The following MYT1L variants were observed in gnomAD, a reference collection of about 807,000 sequenced individuals.
MYT1L encodes myelin transcription factor 1 like.
In MYT1L, 12 loss-of-function variants were observed where a neutral mutation model predicts 126.7. That is an observed-to-expected ratio of 0.09 (90% CI 0.06 to 0.15). MYT1L has a LOEUF of 0.15. Ranked by LOEUF, MYT1L falls within the 10% of genes least tolerant of loss-of-function variation. The pLI is 1.00. For missense variants in MYT1L, 979 were observed against 1,585.2 expected (o/e 0.62, Z 6.49); for synonymous variants, 541 against 604.2 (o/e 0.90, Z 1.53).
intron 21 of MYT1L, among the ~76,000 whole-genome samples, chr2:1,830,081 A>T (rs35131138): frequency 0.44 from 67,454 of 152,114 alleles, 16,869 homozygotes; most frequent in African/African-American, 0.68. Context: ...TGACAGATGT[A>T]GCAGCTACTT....
At chr2:1,880,407 G>A (rs574454327) in intron 18 of MYT1L, among the ~76,000 whole-genome samples, 2 of 152,064 alleles carry the variant, frequency 1.3e-5, no homozygotes, top group Admixed American at 1.3e-4. Context: ...GCGCGATCTC[G>A]GCTCACTGCG....
chr2:1,925,083 G>A (rs937136256), intron 9 of MYT1L, among the ~76,000 whole-genome samples: 1 of 152,178 alleles, frequency 6.6e-6, no homozygotes, highest in Non-Finnish European at 1.5e-5. Flanking sequence ...ACCCAACCAC[G>A]AGATGAATGA....
intron 3 of MYT1L, among the ~76,000 whole-genome samples, chr2:2,111,783 C>G (rs985894851): frequency 6.6e-6 from 1 of 152,216 alleles, no homozygotes; most frequent in African/African-American, 2.4e-5. Context: ...AGGACGAAGA[C>G]AAGAGTGAGT....
intron 8 of MYT1L, among the ~76,000 whole-genome samples, chr2:1,944,101 CT>C (rs200379283): frequency 6.6e-6 from 1 of 151,926 alleles, no homozygotes; most frequent in Non-Finnish European, 1.5e-5. Flanking sequence ...CAACGATTTT[CT>C]TTTTTTTATT....
intron 4 of MYT1L, among the ~76,000 whole-genome samples, chr2:2,003,987 A>ATGCGTTCTTTCCTGC (rs1310391434): frequency 2.7e-5 from 4 of 150,246 alleles, no homozygotes; most frequent in African/African-American, 7.4e-5. Flanking sequence ...TCTTTCCTGC[A>ATGCGTTCTTTCCTGC]AGCGTTCTTT....
intron 2 of MYT1L, among the ~76,000 whole-genome samples, chr2:2,268,585 A>G (rs1301112410): frequency 1.3e-5 from 2 of 152,332 alleles, no homozygotes; most frequent in East Asian, 3.9e-4. Flanking sequence ...TGGCCTGAGT[A>G]ATAAACTCAC....
chr2:2,208,000 A>T (rs1268068487), intron 2 of MYT1L, among the ~76,000 whole-genome samples: 1 of 152,132 alleles, frequency 6.6e-6, no homozygotes, highest in Non-Finnish European at 1.5e-5. Flanking sequence ...AATCCACTCC[A>T]TGCCCCACTC....
rs1443557081 is a variant in MYT1L, at chr2:1,789,161, G to A, written c.*2706C>T. ...TGTGGCAACACCTTGTTTATTTAGAGTAAGATGTGTTAACATCCAGCATGA... is the reference window on the plus strand; with the variant it reads ...TGTGGCAACACCTTGTTTATTTAGAATAAGATGTGTTAACATCCAGCATGA... On this transcript the variant is annotated 3_prime_UTR_variant, in exon 25 of 25. Transcript: ENST00000647738. 6.6e-6 allele frequency: 1 copy of A among 152,182 alleles called. No homozygotes were observed. Among genetic ancestry groups the A allele is most frequent in the African/African-American group, 2.4e-5 (1 of 41,438 alleles). The allele number at this position is 152,182 out of a possible 1,614,324, so 9.4% of individuals were successfully genotyped here.
At chr2:2,114,851 C>T (rs537249700) in intron 3 of MYT1L, among the ~76,000 whole-genome samples, 6 of 152,194 alleles carry the variant, frequency 3.9e-5, no homozygotes, top group Non-Finnish European at 8.8e-5. Flanking sequence ...TCCGTCATCA[C>T]GTGCATAAAT....
chr2:1,860,171 C>T (rs1350944890), intron 18 of MYT1L, among the ~76,000 whole-genome samples: 1 of 152,240 alleles, frequency 6.6e-6, no homozygotes, highest in African/African-American at 2.4e-5. Context: ...CCTAGCACAT[C>T]CTGACGTCCC....
At chr2:1,817,829 G>A (rs11127316) in intron 21 of MYT1L, among the ~76,000 whole-genome samples, 48,245 of 152,184 alleles carry the variant, frequency 0.32, 8,695 homozygotes, top group East Asian at 0.64. Flanking sequence ...TTACTCACAC[G>A]TTAGTTCTGA....
intron 21 of MYT1L, among the ~76,000 whole-genome samples, chr2:1,817,742 C>T (rs375175109): frequency 4.6e-5 from 7 of 152,264 alleles, no homozygotes; most frequent in African/African-American, 1.7e-4. Flanking sequence ...TCGGGAAAGT[C>T]CACACACCTG....
Position 1,801,565 on chromosome 2 carries a change from T to G in MYT1L, c.3276+131A>C. The G allele has an allele frequency of 4.6e-6, 3 of 645,568 alleles. No homozygotes were observed. The highest frequency in any genetic ancestry group is 5.8e-5 in the Admixed American group (2 of 34,740). The allele number at this position is 645,568 out of a possible 1,614,324, so 40.0% of individuals were successfully genotyped here. ...TCTGCGGAAGACCAATATCATAAGG[T>G]GGAAAAATAAAGGAAATAAAAGAGC... On this transcript the variant is annotated intron_variant, in intron 23 of 24. Coordinates refer to ENST00000647738, the MANE Select transcript of MYT1L (RefSeq NM_001303052.2). This position sits in a 1 kb window ranked among gnomAD's most constrained non-coding sequence, Gnocchi z 4.2.
chr2:2,082,296 G>A (rs1199902649), intron 3 of MYT1L, among the ~76,000 whole-genome samples: 7 of 152,192 alleles, frequency 4.6e-5, no homozygotes, highest in East Asian at 1.9e-4. Context: ...AGGAAATGTC[G>A]ATGTGGGGAT....
chr2:1,900,161 T>C (rs1021354108), intron 14 of MYT1L, among the ~76,000 whole-genome samples: 16 of 152,322 alleles, frequency 1.1e-4, no homozygotes, highest in Middle Eastern at 3.4e-3. Context: ...CAAAGATACA[T>C]TGAAGAGTAA....
intron 21 of MYT1L, among the ~76,000 whole-genome samples, chr2:1,824,003 C>A (rs1017945728): frequency 3.3e-5 from 5 of 152,192 alleles, no homozygotes; most frequent in Non-Finnish European, 5.9e-5. Flanking sequence ...GCGCCTCCCC[C>A]CCCAGCGGGG....
At position 1,910,381 on chromosome 2, in the gene MYT1L, C is replaced by T; in HGVS notation, c.1710-34G>A. ...ACAGAAAGCGGGTTGAATGGTCCCG[C>T]CTCAAACACCTTCACAGCACACTAA... is the stretch of plus-strand genomic sequence containing the variant. On this transcript the variant is annotated intron_variant, in intron 12 of 24. Transcript: ENST00000647738. The surrounding 1 kb of genome is among the most constrained non-coding windows in gnomAD (Gnocchi z 4.8). 1.3e-6 allele frequency: 2 copies of T among 1,553,530 alleles called. No individual in the cohort carries two copies. The highest frequency in any genetic ancestry group is 1.1e-5 in the South Asian group (1 of 89,644).
chr2:2,165,039 G>T (rs2088796604), intron 3 of MYT1L, among the ~76,000 whole-genome samples: 3 of 152,192 alleles, frequency 2.0e-5, no homozygotes, highest in Admixed American at 2.0e-4. Context: ...AGGCCTGCCA[G>T]CTGCTTTCCT....
intron 3 of MYT1L, among the ~76,000 whole-genome samples, chr2:2,171,815 C>G (rs890385465): frequency 6.6e-6 from 1 of 152,038 alleles, no homozygotes; most frequent in Non-Finnish European, 1.5e-5. Flanking sequence ...CACCCACAAG[C>G]TTGCAGCATA....
Sources: gnomAD v4.1 joint callset for allele counts (sites outside exome capture counted in the v4.1 genomes callset) on GRCh38, gnomAD v4.1.1 for gene constraint, Gnocchi (gnomAD v3.1) non-coding constraint, MANE v1.5 for transcripts, NCBI Gene and HGNC (gene_info 2026-07-23, HGNC 2026-07-21) for gene names.